Variants in ANO2 observed in about 807,000 individuals in gnomAD.
ANO2 encodes the protein anoctamin-2.
A neutral mutation model predicts 124.2 loss-of-function variants in ANO2; 101 were observed. That is an observed-to-expected ratio of 0.81 (90% confidence interval 0.69 to 0.96). The LOEUF (loss-of-function observed/expected upper bound fraction) is 0.96, where lower values mean the gene tolerates loss of function less well. ANO2 is among the 40% of genes least tolerant of loss of function. The pLI is 0.00. For missense variants in ANO2, 1,293 were observed against 1,274.5 expected (o/e 1.01, Z -0.22); for synonymous variants, 486 against 482.5 (o/e 1.01, Z -0.09).
intron 4 of ANO2, among the ~76,000 whole-genome samples, chr12:5,844,754 T>C (rs1954626217): frequency 6.6e-6 from 1 of 152,148 alleles, no homozygotes. Context: ...GAGTATGTTC[T>C]GCAGAACATT....
intron 7 of ANO2, among the ~76,000 whole-genome samples, chr12:5,820,359 C>T (rs1015135035): frequency 6.6e-5 from 10 of 152,170 alleles, no homozygotes; most frequent in Non-Finnish European, 7.4e-5. Flanking sequence ...TTCCAGGGGA[C>T]CCAAAACGTC....
intron 20 of ANO2, among the ~76,000 whole-genome samples, chr12:5,595,185 C>T (rs925678225): frequency 6.6e-6 from 1 of 151,936 alleles, no homozygotes; most frequent in Non-Finnish European, 1.5e-5. Flanking sequence ...TCAGACATAC[C>T]GAGTGTTTGA....
chr12:5,717,006 A>G (rs1377844573), intron 14 of ANO2, among the ~76,000 whole-genome samples: 1 of 152,206 alleles, frequency 6.6e-6, no homozygotes, highest in Non-Finnish European at 1.5e-5. Context: ...CCTGAGAAGT[A>G]TTTTTTAGGA....
chr12:5,583,171 A>C (rs1942850810), intron 20 of ANO2, among the ~76,000 whole-genome samples: 1 of 152,206 alleles, frequency 6.6e-6, no homozygotes, highest in Non-Finnish European at 1.5e-5. Context: ...ACAAGGTCAA[A>C]AATGAAAATG....
At chr12:5,807,661 A>G (rs1953242526) in intron 7 of ANO2, among the ~76,000 whole-genome samples, 2 of 152,124 alleles carry the variant, frequency 1.3e-5, no homozygotes, top group Non-Finnish European at 2.9e-5. Context: ...ACCTTCCACC[A>G]CCATCAGGTG....
intron 20 of ANO2, among the ~76,000 whole-genome samples, chr12:5,597,240 T>C (rs1427884707): frequency 1.3e-5 from 2 of 152,154 alleles, no homozygotes; most frequent in Non-Finnish European, 1.5e-5. Context: ...CCTGATCCTC[T>C]CCCTCTTCTC....
At chr12:5,791,103 C>A (rs568592049) in intron 10 of ANO2, among the ~76,000 whole-genome samples, 1 of 152,138 alleles carries the variant, frequency 6.6e-6, no homozygotes, top group Non-Finnish European at 1.5e-5. Context: ...CAAGCTCCCC[C>A]ACCCAACAGA....
At chr12:5,796,306 CAT>C (rs1032239654) in intron 10 of ANO2, among the ~76,000 whole-genome samples, 46 of 151,334 alleles carry the variant, frequency 3.0e-4, no homozygotes, top group African/African-American at 9.7e-4. Flanking sequence ...CGCTCATACA[CAT>C]ACACTCCCTG....
At chr12:5,821,507 G>A (rs917969177) in intron 7 of ANO2, among the ~76,000 whole-genome samples, 3 of 152,216 alleles carry the variant, frequency 2.0e-5, no homozygotes, top group Admixed American at 6.5e-5. Context: ...TGTCACTTGG[G>A]TCACATGACC....
rs542447040 is a variant in ANO2, at chr12:5,862,566, G to C, written c.535-8425C>G. Among the ~76,000 whole-genome samples the C allele has an allele frequency of 6.6e-6, 1 of 152,302 alleles. No homozygotes were observed. The highest frequency in any genetic ancestry group is 2.1e-4 in the South Asian group (1 of 4,814). On this transcript the variant is annotated intron_variant, in intron 3 of 24. Coordinates refer to ENST00000682330, the MANE Select transcript of ANO2 (RefSeq NM_001364791.2). The surrounding 1 kb of genome is among the most constrained non-coding windows in gnomAD (Gnocchi z 4.0). ...TCAAAGCCCAAGTGAAGAGGAAGCA[G>C]TGAGGGGAGCCCAGGGAGACTGAGG...
chr12:5,611,647 G>T (rs948590468), intron 19 of ANO2, among the ~76,000 whole-genome samples: 2 of 152,168 alleles, frequency 1.3e-5, no homozygotes, highest in Non-Finnish European at 2.9e-5. Context: ...TCCAACTGCT[G>T]CAGCTAAGAA....
intron 14 of ANO2, among the ~76,000 whole-genome samples, chr12:5,672,887 A>G (rs756437067): frequency 1.3e-5 from 2 of 152,162 alleles, no homozygotes; most frequent in Admixed American, 6.5e-5. Context: ...GAAGTTCTAC[A>G]TAGTCTTATG....
At chr12:5,807,411 C>T (rs576828721) in intron 7 of ANO2, 43 bp from the exon 8 acceptor site, 9 of 1,514,986 alleles carry the variant, frequency 5.9e-6, no homozygotes, top group African/African-American at 4.2e-5. Flanking sequence ...CTGGGGCAAG[C>T]GTTTCTCAAC....
chr12:5,820,894 C>G (rs1161070179), intron 7 of ANO2, among the ~76,000 whole-genome samples: 1 of 152,340 alleles, frequency 6.6e-6, no homozygotes, highest in East Asian at 1.9e-4. Context: ...ACCTGGTATG[C>G]AGCCACTGAC....
At chr12:5,869,631 G>A (rs1016893397) in intron 3 of ANO2, among the ~76,000 whole-genome samples, 9 of 152,164 alleles carry the variant, frequency 5.9e-5, no homozygotes, top group Admixed American at 2.6e-4. Context: ...TTGTTTAACC[G>A]TTACTCAGGC....
intron 10 of ANO2, among the ~76,000 whole-genome samples, chr12:5,784,074 T>G (rs567176291): frequency 1.3e-5 from 2 of 152,336 alleles, no homozygotes; most frequent in African/African-American, 4.8e-5. Context: ...ATGCACACTC[T>G]TCATTCCAGC....
intron 19 of ANO2, among the ~76,000 whole-genome samples, chr12:5,604,144 G>A (rs1944092642): frequency 6.6e-6 from 1 of 152,246 alleles, no homozygotes; most frequent in Non-Finnish European, 1.5e-5. Flanking sequence ...GAATTAAAAA[G>A]TGGATGGTGG....
chr12:5,662,636 G>A (rs1377792202), intron 14 of ANO2, among the ~76,000 whole-genome samples: 1 of 152,134 alleles, frequency 6.6e-6, no homozygotes, highest in East Asian at 1.9e-4. Context: ...TAACTAGGAT[G>A]GCAGAAGAAA....
At position 5,873,244 on chromosome 12, in the gene ANO2, T is replaced by TCTCTCTCTCTCTCTCTCTCTCTCC. The variant is rs1253108658; in HGVS notation, c.535-19104_535-19103insGGAGAGAGAGAGAGAGAGAGAGAG. Among the ~76,000 whole-genome samples, 10 of 141,722 alleles carry TCTCTCTCTCTCTCTCTCTCTCTCC rather than the reference T, an allele frequency of 7.1e-5. 1 individual carries two copies. The highest frequency in any genetic ancestry group is 2.9e-4 in the African/African-American group (10 of 34,118). 93.0% of individuals were successfully genotyped at this position (141,722 alleles called of 152,430 possible). ...CTCTCTCTCTCTCTCTCTCTCTCTC[T>TCTCTCTCTCTCTCTCTCTCTCTCC]CTGTCTGTCTCTCTCCCTTTCTCTC... On this transcript the variant is annotated intron_variant, in intron 3 of 24. Transcript: ENST00000682330.
Sources: allele counts gnomAD v4.1 joint callset (sites outside exome capture counted in the v4.1 genomes callset), GRCh38; gene constraint gnomAD v4.1.1; non-coding constraint Gnocchi (gnomAD v3.1); transcripts MANE v1.5; gene names NCBI Gene and HGNC (gene_info 2026-07-23, HGNC 2026-07-21).